ABCA13: variants seen among roughly 807,000 people sequenced by gnomAD.
ABCA13 encodes ATP-binding cassette sub-family A member 13.
A neutral mutation model predicts 478.7 loss-of-function variants in ABCA13; 476 were observed. The observed-to-expected ratio is 0.99, with a 90% CI of 0.92 to 1.07. ABCA13 has a LOEUF of 1.07. Ranked by LOEUF, ABCA13 falls within the 50% of genes least tolerant of loss-of-function variation. The probability of loss-of-function intolerance (pLI) is 0.00; values close to 1 mark genes in which losing one functional copy is unlikely to be tolerated. For synonymous variants in ABCA13, 2,252 were observed against 2,158.9 expected, an observed-to-expected ratio of 1.04 and a Z score of -1.20; for missense variants, 6,060 against 5,910.6, an observed-to-expected ratio of 1.03 and a Z score of -0.83.
chr7:48,198,685 G>A (rs1311434413), intron 3 of ABCA13, among the ~76,000 whole-genome samples: 2 of 152,178 alleles, frequency 1.3e-5, no homozygotes, highest in African/African-American at 4.8e-5. Context: ...TCATTTTAGT[G>A]CCACATGCCC....
At chr7:48,561,035 C>A (rs1023027448) in intron 55 of ABCA13, among the ~76,000 whole-genome samples, 18 of 152,088 alleles carry the variant, frequency 1.2e-4, no homozygotes, top group Admixed American at 6.5e-5. Context: ...GACATAATTT[C>A]TTCCTTTTTA....
In ABCA13 at chr7:48,276,433, C is replaced by T; in HGVS notation, c.6767C>T (p.Ser2256Phe). Residue 2256 changes from serine (S) to phenylalanine (F), a missense_variant, in exon 17 of 62, where the codon TCT (serine) becomes TTT (phenylalanine). Coordinates refer to ENST00000435803, the MANE Select transcript of ABCA13 (RefSeq NM_152701.5). ...GAAACTAGTAGGAAAACAGTTCTCT[C>T]TCTGAGAAGCATAGTAGATTTCACA... The part of the protein sequence containing the change: ...QSETSRKTVL[S>F]LRSIVDFTEQ... 6.3e-7 allele frequency: 1 copy of T among 1,576,304 alleles called. No individual in the cohort carries two copies. The highest frequency in any genetic ancestry group is 1.2e-5 in the South Asian group (1 of 83,882).
chr7:48,556,393 A>G (rs1353671855), intron 55 of ABCA13, among the ~76,000 whole-genome samples: 1 of 151,974 alleles, frequency 6.6e-6, no homozygotes, highest in Non-Finnish European at 1.5e-5. Flanking sequence ...CAGTGCTGCA[A>G]GTGGGGCATT....
At chr7:48,201,733 C>A (rs1315737858) in intron 3 of ABCA13, among the ~76,000 whole-genome samples, 1 of 152,136 alleles carries the variant, frequency 6.6e-6, no homozygotes, top group African/African-American at 2.4e-5. Context: ...AACAAAAAAT[C>A]TTGAAGGCAA....
intron 27 of ABCA13, among the ~76,000 whole-genome samples, chr7:48,334,199 G>A (rs1337666880): frequency 6.6e-6 from 1 of 152,192 alleles, no homozygotes; most frequent in Non-Finnish European, 1.5e-5. Context: ...CATTAATAAT[G>A]TTATTCAACC....
At chr7:48,397,610 G>A (rs1390190465) in intron 38 of ABCA13, among the ~76,000 whole-genome samples, 2 of 152,122 alleles carry the variant, frequency 1.3e-5, no homozygotes, top group East Asian at 1.9e-4. Flanking sequence ...AAATGACAAA[G>A]TGGCTCTCTA....
At chr7:48,447,336 T>C (rs2129177371) in intron 42 of ABCA13, among the ~76,000 whole-genome samples, 1 of 152,318 alleles carries the variant, frequency 6.6e-6, no homozygotes, top group Non-Finnish European at 1.5e-5. Flanking sequence ...CATCTTGAAC[T>C]GGCTCCTTCA....
chr7:48,601,906 A>T (rs1392332676), intron 58 of ABCA13, among the ~76,000 whole-genome samples: 1 of 152,144 alleles, frequency 6.6e-6, no homozygotes, highest in African/African-American at 2.4e-5. Flanking sequence ...CTTTTTAATG[A>T]TCACCATTCT....
chr7:48,335,516 A>G lies in ABCA13; in HGVS notation c.10094A>G (p.Gln3365Arg), dbSNP rs1427789851. The G allele has an allele frequency of 6.2e-7, 1 of 1,613,608 alleles. No individual in the cohort carries two copies. The highest frequency in any genetic ancestry group is 2.2e-5 in the East Asian group (1 of 44,878). Reference sequence around the variant, plus strand: ...CTTTTCCAGAGAAGTGGAAGTGGCCAGATGTTCAACCAGCTGCAGGTGAGT... The same window carrying G: ...CTTTTCCAGAGAAGTGGAAGTGGCCGGATGTTCAACCAGCTGCAGGTGAGT... ...SSLFQRSGSGQMFNQLQEALR... is the reference protein window; with the variant it reads ...SSLFQRSGSGRMFNQLQEALR... The change falls in exon 28 of 62, where the codon CAG becomes CGG. Residue 3365 changes from glutamine (Q) to arginine (R), a missense_variant. Around this residue, in one of 3 missense-constraint regions of ABCA13, gnomAD observed 4,423 missense variants for 4,309.1 expected, o/e 1.03. Transcript: ENST00000435803.
intron 42 of ABCA13, among the ~76,000 whole-genome samples, chr7:48,431,499 T>C (rs1448007145): frequency 1.3e-5 from 2 of 152,222 alleles, no homozygotes; most frequent in Non-Finnish European, 2.9e-5. Context: ...TCTATAGACA[T>C]CTGTAATATT....
intron 5 of ABCA13, among the ~76,000 whole-genome samples, chr7:48,225,654 ACTAT>A (rs1218802937): frequency 2.0e-5 from 3 of 152,162 alleles, no homozygotes; most frequent in Admixed American, 6.5e-5. Flanking sequence ...TATTTTGTAG[ACTAT>A]CTATCTCAAT....
intron 15 of ABCA13, among the ~76,000 whole-genome samples, chr7:48,261,343 T>G (rs1484722358): frequency 6.6e-6 from 1 of 151,940 alleles, no homozygotes; most frequent in Non-Finnish European, 1.5e-5. Context: ...ACTGATAAAC[T>G]TTACGTTTCT....
Position 48,342,202 on chromosome 7 carries a change from C to T in ABCA13, c.10204+3747C>T, listed in dbSNP as rs916561265. On this transcript the variant is annotated intron_variant, in intron 29 of 61. Coordinates refer to ENST00000435803, the MANE Select transcript of ABCA13 (RefSeq NM_152701.5). Reference sequence around the variant, plus strand: ...GGTAAGATAATGTACTTCGCTAATACGATTTCATTTGCTTAACATTTATGG... The same window carrying T: ...GGTAAGATAATGTACTTCGCTAATATGATTTCATTTGCTTAACATTTATGG... Among the ~76,000 whole-genome samples the T allele has an allele frequency of 4.6e-5, 7 of 151,900 alleles. No individual in the cohort carries two copies. The East Asian group carries it at 7.7e-4, about 17-fold the overall frequency.
intron 53 of ABCA13, among the ~76,000 whole-genome samples, chr7:48,521,692 T>G (rs1462621687): frequency 6.6e-6 from 1 of 152,146 alleles, no homozygotes; most frequent in Non-Finnish European, 1.5e-5. Flanking sequence ...AGATTTTTCT[T>G]TAAAGAGAAA....
chr7:48,407,481 A>C (rs1818416703), intron 39 of ABCA13, among the ~76,000 whole-genome samples: 1 of 152,152 alleles, frequency 6.6e-6, no homozygotes, highest in African/African-American at 2.4e-5. Flanking sequence ...GTCAAAAAAA[A>C]AAAATTTTCA....
chr7:48,248,152 T>A, intron 13 of ABCA13, 87 bp from the exon 14 acceptor site: 1 of 1,103,008 alleles, frequency 9.1e-7, no homozygotes, highest in Admixed American at 2.3e-5. Flanking sequence ...ACCCCTTGTT[T>A]AGTGATACAG....
At chr7:48,424,037 C>G (rs945160359) in intron 41 of ABCA13, among the ~76,000 whole-genome samples, 1 of 152,094 alleles carries the variant, frequency 6.6e-6, no homozygotes, top group African/African-American at 2.4e-5. Flanking sequence ...GAAAATACCA[C>G]CAAAAGAGGA....
At chr7:48,231,851 A>G (rs770922206) in intron 7 of ABCA13, among the ~76,000 whole-genome samples, 2 of 151,936 alleles carry the variant, frequency 1.3e-5, no homozygotes, top group Non-Finnish European at 2.9e-5. Context: ...TAGTAGAGAC[A>G]TGGTTTCACC....
chr7:48,244,620 C>T lies in ABCA13; in HGVS notation c.1307C>T (p.Pro436Leu). 1 of 1,613,426 alleles carries T rather than the reference C, an allele frequency of 6.2e-7. No homozygotes were observed. ...TTGCAAAGCTTGCTGCAAAACCTGC[C>T]CCAGTGGCCGGCACTGAAGAGATTT... is the stretch of plus-strand genomic sequence containing the variant. ...WKLQSLLQNLPQWPALKRFLQ... is the reference protein window; with the variant it reads ...WKLQSLLQNLLQWPALKRFLQ... Residue 436 changes from proline (P) to leucine (L), a missense_variant, in exon 11 of 62, where the codon CCC becomes CTC. This residue lies in a region of ABCA13 where 4,423 missense variants were observed against 4,309.1 expected (regional missense o/e 1.03). Coordinates refer to ENST00000435803, the MANE Select transcript of ABCA13 (RefSeq NM_152701.5).
Sources: allele counts gnomAD v4.1 joint callset (sites outside exome capture counted in the v4.1 genomes callset), GRCh38; gene constraint gnomAD v4.1.1; regional missense constraint gnomAD v4.1.1; transcripts MANE v1.5; gene names NCBI Gene and HGNC (gene_info 2026-07-23, HGNC 2026-07-21).